Variants in COMMD5 observed in about 807,000 individuals in gnomAD.
COMMD5 encodes COMM domain containing 5.
A neutral mutation model predicts 6.9 loss-of-function variants in COMMD5; 10 were observed. The observed-to-expected ratio is 1.44, with a 90% CI of 0.89 to 2.45. The LOEUF is 2.45. Among genes scored for constraint, COMMD5 ranks in the 30% most tolerant of loss-of-function variants. COMMD5 has a pLI of 0.00. For missense variants in COMMD5, 234 were observed against 287.8 expected (o/e 0.81, Z 1.35); for synonymous variants, 127 against 125.3 (o/e 1.01, Z -0.09).
At chr8:144,851,492 T>A in intron 1 of COMMD5, 97 bp from the exon 2 acceptor site, 1 of 822,524 alleles carries the variant, frequency 1.2e-6, no homozygotes. Context: ...ATGCTGACAG[T>A]GTGAACTACC....
intron 1 of COMMD5, chr8:144,842,373 T>C: frequency 6.2e-7 from 1 of 1,614,050 alleles, no homozygotes; most frequent in Non-Finnish European, 8.5e-7. Flanking sequence ...GGAAAGCTTT[T>C]AGGTGGATCT....
In COMMD5 at chr8:144,851,042, C is replaced by A. The variant is rs1830717539; in HGVS notation, c.297G>T (p.Leu99=). The change falls in exon 2 of 2, where the codon CTG becomes CTT. Residue 99 remains leucine (L), a synonymous_variant. Transcript: ENST00000305103. The stretch of plus-strand genomic sequence containing the variant: ...TGTCAGGCTTCAGGCTGGTGGGGGG[C>A]AGACGGAGGGCCTGCTGGAGCAGTG... The part of the protein sequence containing the change: ...MHTLLQQALR[L]PPTSLKPDTF... The A allele has an allele frequency of 4.3e-6, 7 of 1,612,518 alleles. No individual in the cohort carries two copies. The East Asian group carries it at 1.6e-4, about 36-fold the overall frequency.
chr8:144,851,333 A>C lies in COMMD5; in HGVS notation c.6T>G (p.Ser2=). The change falls in exon 2 of 2, where the codon TCT becomes TCG. Residue 2 remains serine (S), a synonymous_variant. Coordinates refer to ENST00000305103, the MANE Select transcript of COMMD5 (RefSeq NM_014066.4). M[S]AVGAATPYLH... ...GGTATGGAGTTGCAGCCCCCACAGCAGACATTGCTGCTGCTTCCTCTTTGA... is the reference window on the plus strand; with the variant it reads ...GGTATGGAGTTGCAGCCCCCACAGCCGACATTGCTGCTGCTTCCTCTTTGA... 1 of 1,604,162 alleles carries C rather than the reference A, an allele frequency of 6.2e-7. No homozygotes were observed. Among genetic ancestry groups the C allele is most frequent in the Non-Finnish European group, 8.5e-7 (1 of 1,172,984 alleles).
intron 1 of COMMD5, among the ~76,000 whole-genome samples, chr8:144,844,145 G>A (rs934978522): frequency 6.6e-6 from 1 of 152,196 alleles, no homozygotes; most frequent in Non-Finnish European, 1.5e-5. Context: ...TGCCCTCCCT[G>A]AAACTCAGAG....
At chr8:144,842,397 G>A in intron 1 of COMMD5, 2 of 1,614,042 alleles carry the variant, frequency 1.2e-6, no homozygotes, top group Non-Finnish European at 1.7e-6. Context: ...GCCTGAGTCA[G>A]CATCAGCTGA....
downstream of COMMD5, chr8:144,845,915 G>A (rs138533429): frequency 6.1e-5 from 91 of 1,490,868 alleles, no homozygotes; most frequent in Non-Finnish European, 8.0e-5. Context: ...CAGGTAATGT[G>A]CTTAGCCAGG....
At chr8:144,848,314 GAAAATTTC>G (rs1830602529), downstream of COMMD5, among the ~76,000 whole-genome samples, 1 of 151,842 alleles carries the variant, frequency 6.6e-6, no homozygotes, top group South Asian at 2.1e-4. Flanking sequence ...AAAAAAAAAG[GAAAATTTC>G]AATATCCATT....
chr8:144,850,784 C>G lies in COMMD5; in HGVS notation c.555G>C (p.Gly185=). 2 of 1,614,166 alleles carry G rather than the reference C, an allele frequency of 1.2e-6. No individual in the cohort carries two copies. Among genetic ancestry groups the G allele is most frequent in the South Asian group, 1.1e-5 (1 of 91,084 alleles). Residue 185 remains glycine (G), a synonymous_variant, in exon 2 of 2, where the codon GGG becomes GGC. Transcript: ENST00000305103. The surrounding 1 kb of genome is among the most constrained non-coding windows in gnomAD (Gnocchi z 4.0). ...TGGGGACCTCAAAGCGGTATGCTGA[C>G]CCATCTGAAAGCTTCAGCTGCATCA... ...SVLMQLKLSD[G]SAYRFEVPTA...
At chr8:144,846,375 T>A (rs1390212780), downstream of COMMD5, 1 of 583,610 alleles carries the variant, frequency 1.7e-6, no homozygotes, top group Non-Finnish European at 3.0e-6. Context: ...AATAAGAGAC[T>A]TGTGACATTT....
At chr8:144,849,664 A>G (rs1417301499), downstream of COMMD5, among the ~76,000 whole-genome samples, 1 of 152,122 alleles carries the variant, frequency 6.6e-6, no homozygotes, top group East Asian at 1.9e-4. Context: ...CCTGGAACAC[A>G]GTTATGCTGG....
rs780068385 is a variant in COMMD5, at chr8:144,850,875, AAGTC to A, written c.460_463del (p.Asp154PhefsTer7). The A allele has an allele frequency of 8.7e-6, 14 of 1,613,058 alleles. No homozygotes were observed. The highest frequency in any genetic ancestry group is 2.2e-5 in the East Asian group (1 of 44,848). On this transcript the variant is annotated frameshift_variant, in exon 2 of 2. Coordinates refer to ENST00000305103, the MANE Select transcript of COMMD5 (RefSeq NM_014066.4). LOFTEE classifies it high-confidence loss of function. This position sits in a 1 kb window ranked among gnomAD's most constrained non-coding sequence, Gnocchi z 4.0. The stretch of plus-strand genomic sequence containing the variant: ...GATTGCTACATCCACCCGCCACCGA[AAGTC>A]AGCAACATGCGGCAGCCAGGCCCCC...
At chr8:144,838,019 G>A (rs190509252), downstream of COMMD5, 917 of 698,704 alleles carry the variant, frequency 1.3e-3, 3 homozygotes, top group African/African-American at 8.6e-3. Context: ...TGTGGAGGCC[G>A]GAAATCTGAA....
chr8:144,843,039 G>A lies in COMMD5; in HGVS notation c.*117-1296C>T, dbSNP rs1352756483. 1.9e-6 allele frequency: 3 copies of A among 1,614,002 alleles called. No individual in the cohort carries two copies. In the African/African-American group the frequency reaches 4.0e-5, roughly 22 times the overall value. The stretch of plus-strand genomic sequence containing the variant: ...GTGAAGACTGTGAGAAGATATTTAG[G>A]TGGCGTTCACACCTAATTATACACC... On this transcript the variant is annotated intron_variant and NMD_transcript_variant, in intron 1 of 1. Transcript: ENST00000530332.
chr8:144,846,294 T>C, downstream of COMMD5: 1 of 1,072,600 alleles, frequency 9.3e-7, no homozygotes, highest in South Asian at 1.6e-5. Context: ...TCTCTCTGGA[T>C]TGACATGGTC....
At chr8:144,842,693 A>G (rs1563845359) in intron 1 of COMMD5, 2 of 1,614,208 alleles carry the variant, frequency 1.2e-6, no homozygotes, top group East Asian at 4.5e-5. Context: ...GAATGCCTCC[A>G]ATGCGGAAAA....
rs190780755 is a variant in COMMD5, at chr8:144,843,324, T to A, written c.*117-1581A>T. 48 of 974,498 alleles carry A rather than the reference T, an allele frequency of 4.9e-5. No homozygotes were observed. In the African/African-American group the frequency reaches 6.8e-4, roughly 14 times the overall value. The allele number at this position is 974,498 out of a possible 1,614,324, so 60.4% of individuals were successfully genotyped here. On this transcript the variant is annotated intron_variant and NMD_transcript_variant, in intron 1 of 1. Transcript: ENST00000530332. ...CCAACTTCAGGCCGAGTGTGGTGGC[T>A]TATGCCTGTCATCCCAGCACTTTGG... is the stretch of plus-strand genomic sequence containing the variant.
chr8:144,847,704 G>A (rs939709612), downstream of COMMD5, among the ~76,000 whole-genome samples: 3 of 152,220 alleles, frequency 2.0e-5, no homozygotes, highest in African/African-American at 7.2e-5. Flanking sequence ...CTGAATGAGT[G>A]AGTGATGCAG....
chr8:144,839,046 CCTTA>C (rs1341137346), downstream of COMMD5, among the ~76,000 whole-genome samples: 2 of 123,492 alleles, frequency 1.6e-5, no homozygotes, highest in African/African-American at 6.2e-5. Flanking sequence ...GGGGCTGTGA[CCTTA>C]CTTCCATTCA....
chr8:144,844,843 G>A (rs1830422354), intron 1 of COMMD5, among the ~76,000 whole-genome samples: 1 of 151,850 alleles, frequency 6.6e-6, no homozygotes. Flanking sequence ...AAGAAAAGAT[G>A]GTTGAGTGAA....
Sources: gnomAD v4.1 joint callset for allele counts (sites outside exome capture counted in the v4.1 genomes callset) on GRCh38, gnomAD v4.1.1 for gene constraint, Gnocchi (gnomAD v3.1) non-coding constraint, MANE v1.5 for transcripts, NCBI Gene and HGNC (gene_info 2026-07-23, HGNC 2026-07-21) for gene names.